The following FOXA3 variants were observed in gnomAD, a reference collection of about 807,000 sequenced individuals.
FOXA3 encodes the protein hepatocyte nuclear factor 3-gamma.
A neutral mutation model predicts 16.9 loss-of-function variants in FOXA3; 11 were observed. The ratio of observed to expected loss-of-function variants is 0.65; its 90% CI spans 0.41 to 1.08. The LOEUF is 1.08. FOXA3 is among the 50% of genes least tolerant of loss of function. The probability of loss-of-function intolerance (pLI) is 0.00; values close to 1 mark genes in which losing one functional copy is unlikely to be tolerated. For missense variants in FOXA3, 423 were observed against 470.1 expected (o/e 0.90, Z 0.93); for synonymous variants, 217 against 203.3 (o/e 1.07, Z -0.57).
At position 45,864,396 on chromosome 19, in the gene FOXA3, TC is replaced by T; in HGVS notation, c.-59del. On this transcript the variant is annotated 5_prime_UTR_variant, in exon 1 of 2. Transcript: ENST00000302177. Reference sequence around the variant, plus strand: ...AGCTCGGGCCGTGCCCGCTGAGAGATCCAGAGCGCTCCGTTCCCCCGGGGCC... The same window carrying T: ...AGCTCGGGCCGTGCCCGCTGAGAGATCAGAGCGCTCCGTTCCCCCGGGGCC... 2 of 1,313,272 alleles carry T rather than the reference TC, an allele frequency of 1.5e-6. No homozygotes were observed. The highest frequency in any genetic ancestry group is 2.0e-6 in the Non-Finnish European group (2 of 1,010,120). The allele number at this position is 1,313,272 out of a possible 1,614,324, so 81.4% of individuals were successfully genotyped here.
At chr19:45,868,028 C>T (rs1972101539) in intron 1 of FOXA3, among the ~76,000 whole-genome samples, 1 of 148,158 alleles carries the variant, frequency 6.7e-6, no homozygotes, top group African/African-American at 2.5e-5. Context: ...GAAGGGAAAA[C>T]AATGCGGGGG....
At position 45,864,442 on chromosome 19, in the gene FOXA3, G is replaced by A. The variant is rs778266061; in HGVS notation, c.-15G>A. ...GGGGCCGGAGCGGGGGCGGGTGGGG[G>A]CGTAAGCCCGGGGGATGCTGGGCTC... On this transcript the variant is annotated 5_prime_UTR_variant, in exon 1 of 2. Coordinates refer to ENST00000302177, the MANE Select transcript of FOXA3 (RefSeq NM_004497.3). 1.5e-5 allele frequency: 21 copies of A among 1,437,688 alleles called. No individual in the cohort carries two copies. The Admixed American group carries it at 5.1e-4, about 35-fold the overall frequency. The allele number at this position is 1,437,688 out of a possible 1,614,324, so 89.1% of individuals were successfully genotyped here.
At chr19:45,868,603 C>T (rs1972107394) in intron 1 of FOXA3, among the ~76,000 whole-genome samples, 1 of 144,908 alleles carries the variant, frequency 6.9e-6, no homozygotes, top group South Asian at 2.2e-4. Flanking sequence ...AAAAAGCTTA[C>T]AGTGGCAGGA....
At position 45,871,448 on chromosome 19, in the gene FOXA3, C is replaced by A. The variant is rs1156536310; in HGVS notation, c.70-627C>A. Among the ~76,000 whole-genome samples, 14 of 151,426 alleles carry A rather than the reference C, an allele frequency of 9.2e-5. No homozygotes were observed. The Admixed American group carries it at 9.3e-4, about 10-fold the overall frequency. ...AAGGGCTAATAATAACTTAGGATTG[C>A]GGGTGTGGTGGCTCATGCCTGTAAT... On this transcript the variant is annotated intron_variant, in intron 1 of 1. Transcript: ENST00000302177.
At position 45,872,839 on chromosome 19, in the gene FOXA3, C is replaced by A. The variant is rs751051964; in HGVS notation, c.834C>A (p.Ser278=). 3.1e-6 allele frequency: 5 copies of A among 1,613,438 alleles called. No homozygotes were observed. The highest frequency in any genetic ancestry group is 1.7e-5 in the Admixed American group (1 of 60,002). ...CTCTGGACTGTGGCTCACCCGCTTC[C>A]TCCACACCCTATTTCACTGGCCTGG... is the stretch of plus-strand genomic sequence containing the variant. ...VGALDCGSPA[S]STPYFTGLEL... is the part of the protein sequence containing the mutation. The change falls in exon 2 of 2, where the codon TCC becomes TCA. Residue 278 remains serine (S), a synonymous_variant. Transcript: ENST00000302177. The surrounding 1 kb of genome is among the most constrained non-coding windows in gnomAD (Gnocchi z 4.5).
Position 45,872,113 on chromosome 19 carries a change from C to T in FOXA3, c.108C>T (p.Pro36=), listed in dbSNP as rs1333856007. ...SPVTPVPTMA[P]LNSYMTLNPL... Reference sequence around the variant, plus strand: ...TGACCCCAGTGCCCACCATGGCCCCCCTCAACTCCTACATGACCCTGAATC... The same window carrying T: ...TGACCCCAGTGCCCACCATGGCCCCTCTCAACTCCTACATGACCCTGAATC... The change falls in exon 2 of 2, where the codon CCC becomes CCT. Residue 36 remains proline (P), a synonymous_variant. Coordinates refer to ENST00000302177, the MANE Select transcript of FOXA3 (RefSeq NM_004497.3). This position sits in a 1 kb window ranked among gnomAD's most constrained non-coding sequence, Gnocchi z 4.5. The T allele has an allele frequency of 3.1e-6, 5 of 1,606,294 alleles. No homozygotes were observed. The East Asian group carries it at 8.9e-5, about 29-fold the overall frequency.
chr19:45,866,246 T>TA (rs199640130), intron 1 of FOXA3, among the ~76,000 whole-genome samples: 16 of 150,884 alleles, frequency 1.1e-4, no homozygotes, highest in African/African-American at 2.2e-4. Flanking sequence ...ACCTTGTCTT[T>TA]AAAAAAAAAA....
intron 1 of FOXA3, 112 bp downstream of exon 1, chr19:45,864,637 G>A: frequency 5.7e-6 from 5 of 875,330 alleles, no homozygotes; most frequent in Non-Finnish European, 7.8e-6. Context: ...CGTCTACTTG[G>A]GCAGCTGAGG....
In FOXA3 at chr19:45,873,416, ACTT is replaced by A; in HGVS notation, c.*362_*364del. On this transcript the variant is annotated 3_prime_UTR_variant, in exon 2 of 2. Coordinates refer to ENST00000302177, the MANE Select transcript of FOXA3 (RefSeq NM_004497.3). ...GCCCCCCCCATTAGGTGCTGTGCCC[ACTT>A]CTTTTTTGGTGTACTTGGCACAGTA... The A allele has an allele frequency of 3.2e-6, 1 of 316,952 alleles. No homozygotes were observed. Among genetic ancestry groups the A allele is most frequent in the South Asian group, 3.5e-5 (1 of 28,494 alleles). The allele number at this position is 316,952 out of a possible 1,614,324, so 19.6% of individuals were successfully genotyped here.
intron 1 of FOXA3, among the ~76,000 whole-genome samples, chr19:45,869,107 A>C (rs1972111079): frequency 6.6e-6 from 1 of 151,848 alleles, no homozygotes. Context: ...TTGTATTTTT[A>C]GTGGAGACGG....
In FOXA3 at chr19:45,865,536, G is replaced by A. The variant is rs57572301; in HGVS notation, c.69+1011G>A. On this transcript the variant is annotated intron_variant, in intron 1 of 1. Transcript: ENST00000302177. Reference sequence around the variant, plus strand: ...TTGGGTTCTTGGTCTGAGAATTATGGGGGTCTGGACACTTGGACTTCTAAC... The same window carrying A: ...TTGGGTTCTTGGTCTGAGAATTATGAGGGTCTGGACACTTGGACTTCTAAC... Among the ~76,000 whole-genome samples, 522 of 152,240 alleles carry A rather than the reference G, an allele frequency of 3.4e-3. 6 individuals are homozygous for A. Among genetic ancestry groups the A allele is most frequent in the Middle Eastern group, 0.014 (4 of 294 alleles).
chr19:45,872,992 T>G lies in FOXA3; in HGVS notation c.987T>G (p.Ala329=). The G allele has an allele frequency of 6.2e-7, 1 of 1,613,568 alleles. No individual in the cohort carries two copies. The highest frequency in any genetic ancestry group is 8.5e-7 in the Non-Finnish European group (1 of 1,179,776). Residue 329 remains alanine (A), a synonymous_variant, in exon 2 of 2, where the codon GCT becomes GCG. Transcript: ENST00000302177. This position sits in a 1 kb window ranked among gnomAD's most constrained non-coding sequence, Gnocchi z 4.5. ...ACGTGGGGTTTGGGGGCTACGGGGC[T>G]GAAGGTGGGGAGCCTGGAGTCTACT... ...KLDVGFGGYG[A]EGGEPGVYYQ... is the part of the protein sequence containing the mutation.
chr19:45,872,696 A>T lies in FOXA3; in HGVS notation c.691A>T (p.Arg231Trp), dbSNP rs1030143565. 1 of 1,609,774 alleles carries T rather than the reference A, an allele frequency of 6.2e-7. No individual in the cohort carries two copies. The highest frequency in any genetic ancestry group is 1.7e-5 in the Admixed American group (1 of 59,494). Reference protein sequence around the residue: ...KGGSGAATTTRNGTGSAASTT... With the variant: ...KGGSGAATTTWNGTGSAASTT... Reference sequence around the variant, plus strand: ...GGGCAGCGGGGCTGCCACCACCACCAGGAACGGGACAGGGTCTGCTGCCTC... The same window carrying T: ...GGGCAGCGGGGCTGCCACCACCACCTGGAACGGGACAGGGTCTGCTGCCTC... Residue 231 changes from arginine (R) to tryptophan (W), a missense_variant, in exon 2 of 2, where the codon AGG becomes TGG. Physicochemically the swap from Arg to Trp is moderately radical, Grantham distance 101. This residue lies in a region of FOXA3 where 168 missense variants were observed against 179.3 expected (regional missense o/e 0.94). Coordinates refer to ENST00000302177, the MANE Select transcript of FOXA3 (RefSeq NM_004497.3). The surrounding 1 kb of genome is among the most constrained non-coding windows in gnomAD (Gnocchi z 4.5).
rs146730929 is a variant in FOXA3 at position 45,870,488 on chromosome 19, T to C, written c.70-1587T>C. On this transcript the variant is annotated intron_variant, in intron 1 of 1. Transcript: ENST00000302177. The stretch of plus-strand genomic sequence containing the variant: ...GTGCCCGGCCTATAATAACTCTTTA[T>C]GATTACTAAAATTGAGAACTGCTGA... Among the ~76,000 whole-genome samples the C allele has an allele frequency of 6.5e-3, 992 of 152,110 alleles. 4 individuals carry two copies. Among genetic ancestry groups the C allele is most frequent in the South Asian group, 0.026 (127 of 4,818 alleles).
At chr19:45,865,667 T>C (rs1972078046) in intron 1 of FOXA3, among the ~76,000 whole-genome samples, 1 of 152,016 alleles carries the variant, frequency 6.6e-6, no homozygotes. Context: ...GCCTGAGTCT[T>C]GGGTCTGGGG....
At chr19:45,870,872 C>T (rs1003133189) in intron 1 of FOXA3, among the ~76,000 whole-genome samples, 4 of 151,720 alleles carry the variant, frequency 2.6e-5, no homozygotes, top group South Asian at 2.1e-4. Flanking sequence ...GAGGATTACT[C>T]GAGGCCAGGA....
intron 1 of FOXA3, among the ~76,000 whole-genome samples, chr19:45,865,459 C>T (rs907431271): frequency 7.9e-5 from 12 of 152,262 alleles, no homozygotes; most frequent in African/African-American, 2.4e-4. Context: ...GACCCCTACA[C>T]CTTAGCTACC....
intron 1 of FOXA3, among the ~76,000 whole-genome samples, chr19:45,867,124 G>C (rs1396646845): frequency 6.6e-6 from 1 of 152,050 alleles, no homozygotes; most frequent in Non-Finnish European, 1.5e-5. Flanking sequence ...AGGACTTCCG[G>C]GTGGGTGGGG....
intron 1 of FOXA3, among the ~76,000 whole-genome samples, chr19:45,868,757 G>T (rs1037757280): frequency 6.6e-6 from 1 of 152,104 alleles, no homozygotes. Flanking sequence ...ATGGGGCAGA[G>T]AGGATGGGAG....
Sources: allele counts gnomAD v4.1 joint callset (sites outside exome capture counted in the v4.1 genomes callset), GRCh38; gene constraint gnomAD v4.1.1; regional missense constraint gnomAD v4.1.1; non-coding constraint Gnocchi (gnomAD v3.1); transcripts MANE v1.5; gene names NCBI Gene and HGNC (gene_info 2026-07-23, HGNC 2026-07-21).